Variants in CPA6 observed in about 807,000 individuals in gnomAD.
CPA6 encodes carboxypeptidase B.
A neutral mutation model predicts 63.3 loss-of-function variants in CPA6; 58 were observed. The ratio of observed to expected loss-of-function variants is 0.92; its 90% CI spans 0.74 to 1.14. The LOEUF is 1.14. Among genes scored for constraint, CPA6 ranks in the 50% most tolerant of loss-of-function variants. The pLI, the probability that CPA6 is intolerant of heterozygous loss-of-function variation, is 0.00. For synonymous variants in CPA6, 185 were observed against 179.0 expected (o/e 1.03, Z -0.27); for missense variants, 565 against 526.6 (o/e 1.07, Z -0.71).
intron 1 of CPA6, among the ~76,000 whole-genome samples, chr8:67,667,800 C>T (rs1046993629): frequency 2.6e-5 from 4 of 152,204 alleles, no homozygotes; most frequent in Non-Finnish European, 5.9e-5. Flanking sequence ...CTGTGTGCCC[C>T]GCCCCAGTGG....
chr8:67,604,044 A>G (rs1009829100), intron 2 of CPA6, among the ~76,000 whole-genome samples: 19 of 152,336 alleles, frequency 1.2e-4, no homozygotes, highest in Admixed American at 9.2e-4. Context: ...TCAATTGTCA[A>G]TTTCAAAATA....
intron 1 of CPA6, among the ~76,000 whole-genome samples, chr8:67,718,648 A>G (rs1563406765): frequency 2.0e-5 from 3 of 150,246 alleles, no homozygotes; most frequent in Non-Finnish European, 3.0e-5. Context: ...AGACAGCTGA[A>G]GTTTTTTTTT....
chr8:67,548,153 CA>C (rs1225353873), intron 2 of CPA6, among the ~76,000 whole-genome samples: 14 of 123,296 alleles, frequency 1.1e-4, no homozygotes, highest in South Asian at 6.2e-4. Context: ...CTCTCCCTCT[CA>C]TCCTTCCTTT....
intron 1 of CPA6, among the ~76,000 whole-genome samples, chr8:67,625,633 A>G (rs1815178192): frequency 6.6e-6 from 1 of 152,232 alleles, no homozygotes; most frequent in Admixed American, 6.5e-5. Context: ...TGGCTTCCAG[A>G]TGAAATATAA....
chr8:67,651,380 G>T (rs1433300589), intron 1 of CPA6, among the ~76,000 whole-genome samples: 1 of 152,154 alleles, frequency 6.6e-6, no homozygotes, highest in Non-Finnish European at 1.5e-5. Flanking sequence ...TTGCCTAATG[G>T]CAAACATCAG....
chr8:67,730,062 C>A (rs1047256513), intron 1 of CPA6, among the ~76,000 whole-genome samples: 10 of 152,240 alleles, frequency 6.6e-5, no homozygotes, highest in African/African-American at 2.4e-4. Flanking sequence ...TCTCTCACAC[C>A]AGCTGGATGT....
chr8:67,649,106 A>AT (rs970164774), intron 1 of CPA6, among the ~76,000 whole-genome samples: 160 of 149,804 alleles, frequency 1.1e-3, no homozygotes, highest in Middle Eastern at 3.5e-3. Context: ...AAGGCATTGG[A>AT]TTTTTTTTTT....
intron 1 of CPA6, among the ~76,000 whole-genome samples, chr8:67,687,799 T>G (rs1816737034): frequency 6.6e-6 from 1 of 152,180 alleles, no homozygotes; most frequent in African/African-American, 2.4e-5. Flanking sequence ...AGCAGCCGTC[T>G]CTATAGGATA....
intron 1 of CPA6, among the ~76,000 whole-genome samples, chr8:67,722,918 A>G (rs1216775939): frequency 6.6e-6 from 1 of 151,922 alleles, no homozygotes; most frequent in Non-Finnish European, 1.5e-5. Context: ...AAGTTGATTT[A>G]CGCTCACAAA....
At position 67,576,743 on chromosome 8, in the gene CPA6, G is replaced by C. The variant is rs150846278; in HGVS notation, c.192+47433C>G. Among the ~76,000 whole-genome samples, 902 of 152,238 alleles carry C rather than the reference G, an allele frequency of 5.9e-3. 9 individuals carry two copies. The highest frequency in any genetic ancestry group is 0.014 in the Middle Eastern group (4 of 292). On this transcript the variant is annotated intron_variant, in intron 2 of 10. Transcript: ENST00000297770. ...TCTGCTTATGGTACTGAGTGCTATAGGATGCATTCTTATCACTTTACAATG... is the reference window on the plus strand; with the variant it reads ...TCTGCTTATGGTACTGAGTGCTATACGATGCATTCTTATCACTTTACAATG...
chr8:67,617,141 T>C (rs978236892), intron 2 of CPA6, among the ~76,000 whole-genome samples: 1 of 152,216 alleles, frequency 6.6e-6, no homozygotes, highest in Non-Finnish European at 1.5e-5. Context: ...GTCATGTCAA[T>C]TCAGTTGAGT....
Position 67,509,660 on chromosome 8 carries a change from A to G in CPA6, c.433-42T>C, listed in dbSNP as rs761044251. 7 of 978,570 alleles carry G rather than the reference A, an allele frequency of 7.2e-6. No homozygotes were observed. The East Asian group carries it at 1.8e-4, about 25-fold the overall frequency. The allele number at this position is 978,570 out of a possible 1,614,324, so 60.6% of individuals were successfully genotyped here. ...AAAAACTATGTTAGACTCTCTCAAA[A>G]TAATGGAGCTTTTAGAGAACAAAAG... On this transcript the variant is annotated intron_variant, in intron 4 of 10. Transcript: ENST00000297770.
intron 2 of CPA6, among the ~76,000 whole-genome samples, chr8:67,527,109 T>C (rs1812379785): frequency 6.6e-6 from 1 of 152,240 alleles, no homozygotes; most frequent in African/African-American, 2.4e-5. Context: ...CCCTGGGCTG[T>C]ATCTCACCAA....
intron 2 of CPA6, among the ~76,000 whole-genome samples, chr8:67,595,515 T>C (rs1814303133): frequency 6.6e-6 from 1 of 152,330 alleles, no homozygotes; most frequent in East Asian, 1.9e-4. Context: ...GCAGGCCTCC[T>C]TGAGCTGTGG....
At chr8:67,604,777 T>TTTG (rs1587624000) in intron 2 of CPA6, among the ~76,000 whole-genome samples, 1 of 146,494 alleles carries the variant, frequency 6.8e-6, no homozygotes. Flanking sequence ...AACTTTGCGT[T>TTTG]TTGTTTGTTT....
chr8:67,698,288 AATG>A (rs1296929171), intron 1 of CPA6, among the ~76,000 whole-genome samples: 5 of 152,298 alleles, frequency 3.3e-5, no homozygotes, highest in African/African-American at 1.2e-4. Context: ...TCACACCAGA[AATG>A]ATGATTTCAT....
intron 1 of CPA6, among the ~76,000 whole-genome samples, chr8:67,665,962 C>T (rs1816217737): frequency 6.6e-6 from 1 of 152,232 alleles, no homozygotes; most frequent in African/African-American, 2.4e-5. Context: ...ACAAAATATA[C>T]ATGTCCTCTT....
At chr8:67,531,997 T>C (rs1009909526) in intron 2 of CPA6, among the ~76,000 whole-genome samples, 2 of 152,136 alleles carry the variant, frequency 1.3e-5, no homozygotes, top group Admixed American at 6.5e-5. Context: ...CAATTAAATG[T>C]AACATTTCAA....
At chr8:67,696,629 T>C (rs4266634) in intron 1 of CPA6, among the ~76,000 whole-genome samples, 14,466 of 152,222 alleles carry the variant, frequency 0.095, 1,312 homozygotes, top group African/African-American at 0.23. Context: ...CCATCATATG[T>C]TAAGAGATGA....
Sources: gnomAD v4.1 joint callset for allele counts (sites outside exome capture counted in the v4.1 genomes callset) on GRCh38, gnomAD v4.1.1 for gene constraint, MANE v1.5 for transcripts, NCBI Gene and HGNC (gene_info 2026-07-23, HGNC 2026-07-21) for gene names.